The following COL22A1 variants were observed in gnomAD, a reference collection of about 807,000 sequenced individuals.
The protein encoded by COL22A1 is collagen alpha-1(XXII) chain.
Under a neutral mutation model 248.9 loss-of-function variants are expected in COL22A1, and 221 were observed. That is an observed-to-expected ratio of 0.89 (90% CI 0.80 to 0.99). The LOEUF (loss-of-function observed/expected upper bound fraction) is 0.99, where lower values mean the gene tolerates loss of function less well. COL22A1 is among the 50% of genes least tolerant of loss of function. The pLI, the probability that COL22A1 is intolerant of heterozygous loss-of-function variation, is 0.00. For missense variants in COL22A1, 2,240 were observed against 2,179.0 expected (o/e 1.03, Z -0.56); for synonymous variants, 891 against 793.4 (o/e 1.12, Z -2.07).
chr8:138,827,766 C>T (rs1819710350), intron 5 of COL22A1, among the ~76,000 whole-genome samples: 2 of 151,724 alleles, frequency 1.3e-5, no homozygotes, highest in South Asian at 4.2e-4. Flanking sequence ...GTCCTCGGAG[C>T]ACTCTCAGGC....
chr8:138,591,940 G>A (rs1817099290), intron 63 of COL22A1, among the ~76,000 whole-genome samples: 1 of 152,182 alleles, frequency 6.6e-6, no homozygotes, highest in African/African-American at 2.4e-5. Context: ...AAGTCCGCAT[G>A]CATCTCCTCT....
chr8:138,710,643 CTG>C (rs1345430030), intron 30 of COL22A1, among the ~76,000 whole-genome samples: 1 of 150,532 alleles, frequency 6.6e-6, no homozygotes, highest in Non-Finnish European at 1.5e-5. Flanking sequence ...GATGAAGAAA[CTG>C]AGGCATAAAA....
intron 4 of COL22A1, among the ~76,000 whole-genome samples, chr8:138,840,588 GTTATTATTA>G (rs141154756): frequency 6.6e-6 from 1 of 151,668 alleles, no homozygotes; most frequent in Admixed American, 6.6e-5. Context: ...GCAAGAATCA[GTTATTATTA>G]TTATTATTAA....
chr8:138,867,112 T>TAAAG (rs1010900527), intron 3 of COL22A1, among the ~76,000 whole-genome samples: 6 of 152,212 alleles, frequency 3.9e-5, no homozygotes, highest in African/African-American at 1.4e-4. Context: ...GTCTCTGTCT[T>TAAAG]AAAGACTCAA....
chr8:138,839,236 C>T (rs1406912117), intron 4 of COL22A1, among the ~76,000 whole-genome samples: 2 of 152,114 alleles, frequency 1.3e-5, no homozygotes, highest in Non-Finnish European at 2.9e-5. Flanking sequence ...GTGTTAGATG[C>T]TGCGTGGGCT....
At chr8:138,670,964 A>AAAG (rs1469158555) in intron 41 of COL22A1, among the ~76,000 whole-genome samples, 1 of 135,132 alleles carries the variant, frequency 7.4e-6, no homozygotes, top group Non-Finnish European at 1.5e-5. Flanking sequence ...TTGTCTCAAA[A>AAAG]AAAAAAAAAA....
chr8:138,892,095 G>A (rs935585126), intron 1 of COL22A1, among the ~76,000 whole-genome samples: 1 of 152,154 alleles, frequency 6.6e-6, no homozygotes, highest in Non-Finnish European at 1.5e-5. Context: ...CTGGTCTGTG[G>A]TTTCTTGTAA....
rs907044186 is a variant in COL22A1, at chr8:138,839,000, T to C, written c.733+5084A>G. Among the ~76,000 whole-genome samples, 8 of 152,156 alleles carry C rather than the reference T, an allele frequency of 5.3e-5. No individual in the cohort carries two copies. In the East Asian group the frequency reaches 1.5e-3, roughly 29 times the overall value. On this transcript the variant is annotated intron_variant, in intron 4 of 64. Transcript: ENST00000303045. The stretch of plus-strand genomic sequence containing the variant: ...ACCCCCTTAGCTGCCTTAGTTCCTC[T>C]TGGAGTTTCCATGGGTCTGGGTAAG...
At chr8:138,840,557 A>ACACACACGCG (rs1354847855) in intron 4 of COL22A1, among the ~76,000 whole-genome samples, 1 of 150,668 alleles carries the variant, frequency 6.6e-6, no homozygotes, top group African/African-American at 2.5e-5. Context: ...ACACACACAC[A>ACACACACGCG]CGCGCTCCTG....
At chr8:138,705,327 T>C (rs1828335340) in intron 30 of COL22A1, among the ~76,000 whole-genome samples, 1 of 152,018 alleles carries the variant, frequency 6.6e-6, no homozygotes, top group Non-Finnish European at 1.5e-5. Flanking sequence ...AGACACATAA[T>C]TGTCAGATTC....
chr8:138,826,353 T>C (rs1819579315), intron 6 of COL22A1, among the ~76,000 whole-genome samples: 1 of 152,110 alleles, frequency 6.6e-6, no homozygotes, highest in Admixed American at 6.5e-5. Flanking sequence ...AATATAGGTG[T>C]CACAGGACAG....
At chr8:138,735,991 G>A (rs1334472744) in intron 23 of COL22A1, among the ~76,000 whole-genome samples, 1 of 152,124 alleles carries the variant, frequency 6.6e-6, no homozygotes, top group African/African-American at 2.4e-5. Flanking sequence ...ACAGCTCCAG[G>A]AGGACCAAAC....
chr8:138,717,052 G>C (rs1029785840), intron 27 of COL22A1, among the ~76,000 whole-genome samples, 183 bp from the exon 28 acceptor site: 1 of 152,200 alleles, frequency 6.6e-6, no homozygotes, highest in African/African-American at 2.4e-5. Flanking sequence ...TAGCATTTTT[G>C]CAGAGCAGAA....
rs191075983 is a variant in COL22A1 at position 138,717,864 on chromosome 8, G to A, written c.2356-995C>T. On this transcript the variant is annotated intron_variant, in intron 27 of 64. Coordinates refer to ENST00000303045, the MANE Select transcript of COL22A1 (RefSeq NM_152888.3). ...GATGATGATGGTGGTGGTGAGCGCGGACTATCATCTTTATCCAACCATGTG... is the reference window on the plus strand; with the variant it reads ...GATGATGATGGTGGTGGTGAGCGCGAACTATCATCTTTATCCAACCATGTG... Among the ~76,000 whole-genome samples, 517 of 152,246 alleles carry A rather than the reference G, an allele frequency of 3.4e-3. 2 individuals carry two copies. Among genetic ancestry groups the A allele is most frequent in the African/African-American group, 0.012 (491 of 41,546 alleles).
intron 52 of COL22A1, 120 bp from the exon 53 acceptor site, chr8:138,619,628 C>T (rs1047371375): frequency 3.4e-6 from 3 of 879,152 alleles, no homozygotes; most frequent in African/African-American, 3.3e-5. Context: ...ACCCTGTCAG[C>T]CCTTTCCCCT....
chr8:138,679,031 T>G (rs541057114), intron 40 of COL22A1, among the ~76,000 whole-genome samples: 1 of 152,262 alleles, frequency 6.6e-6, no homozygotes, highest in Admixed American at 6.5e-5. Context: ...TCCTCCTGCC[T>G]CAGCCTCCCT....
chr8:138,616,891 T>C (rs895041954), intron 54 of COL22A1, 23 bp downstream of exon 54: 4 of 1,613,798 alleles, frequency 2.5e-6, no homozygotes, highest in Non-Finnish European at 3.4e-6. Flanking sequence ...TGGGGGGACC[T>C]CCAAAGTGAG....
At chr8:138,601,559 A>G (rs1818013565) in intron 60 of COL22A1, among the ~76,000 whole-genome samples, 1 of 152,174 alleles carries the variant, frequency 6.6e-6, no homozygotes, top group Admixed American at 6.5e-5. Flanking sequence ...AGCAGTCGTG[A>G]GTGTGAGAAC....
At chr8:138,842,368 T>C (rs1258709123) in intron 4 of COL22A1, among the ~76,000 whole-genome samples, 1 of 152,176 alleles carries the variant, frequency 6.6e-6, no homozygotes, top group Non-Finnish European at 1.5e-5. Flanking sequence ...TGGATATGTG[T>C]GTTAGATAAT....
Sources: allele counts gnomAD v4.1 joint callset (sites outside exome capture counted in the v4.1 genomes callset), GRCh38; gene constraint gnomAD v4.1.1; transcripts MANE v1.5; gene names NCBI Gene and HGNC (gene_info 2026-07-23, HGNC 2026-07-21).